The following LRP5 variants were observed in gnomAD, a reference collection of about 807,000 sequenced individuals.
LRP5 encodes low-density lipoprotein receptor-related protein 5.
LRP5 carries 62 observed loss-of-function variants against 154.1 expected under a neutral mutation model. That is an observed-to-expected ratio of 0.40 (90% CI 0.33 to 0.50). The LOEUF (loss-of-function observed/expected upper bound fraction) is 0.50, where lower values mean the gene tolerates loss of function less well. Ranked by LOEUF, LRP5 falls within the 20% of genes least tolerant of loss-of-function variation. LRP5 has a pLI of 0.55. For missense variants in LRP5, 1,915 were observed against 2,336.7 expected (o/e 0.82, Z 3.72); for synonymous variants, 966 against 1,011.5 (o/e 0.96, Z 0.85).
chr11:68,418,226 G>A (rs532602351), intron 13 of LRP5, among the ~76,000 whole-genome samples: 1 of 152,140 alleles, frequency 6.6e-6, no homozygotes, highest in South Asian at 2.1e-4. Flanking sequence ...CCAACATGGT[G>A]AAACCCCATC....
chr11:68,311,113 C>G (rs2098587526), upstream of LRP5, among the ~76,000 whole-genome samples: 1 of 152,118 alleles, frequency 6.6e-6, no homozygotes, highest in African/African-American at 2.4e-5. Flanking sequence ...GAGTCTGGGT[C>G]TCTTCTATCT....
At chr11:68,379,268 A>G (rs2098639060) in intron 5 of LRP5, among the ~76,000 whole-genome samples, 1 of 152,174 alleles carries the variant, frequency 6.6e-6, no homozygotes, top group South Asian at 2.1e-4. Context: ...TTATTCAAAA[A>G]TATTTGAGGA....
intron 1 of LRP5, among the ~76,000 whole-genome samples, chr11:68,313,281 G>T (rs2098590109): frequency 6.6e-6 from 1 of 151,904 alleles, no homozygotes; most frequent in Non-Finnish European, 1.5e-5. Flanking sequence ...AAAGTTCTGA[G>T]CCCGGGCGCG....
At chr11:68,346,184 G>A (rs527396914) in intron 1 of LRP5, among the ~76,000 whole-genome samples, 11 of 152,294 alleles carry the variant, frequency 7.2e-5, no homozygotes, top group Admixed American at 4.6e-4. Flanking sequence ...ATGAAGTCCC[G>A]TTTGTCTTTA....
chr11:68,311,529 G>A (rs1367426444), upstream of LRP5, among the ~76,000 whole-genome samples: 2 of 152,232 alleles, frequency 1.3e-5, no homozygotes, highest in Non-Finnish European at 2.9e-5. Flanking sequence ...TTCATGGCCT[G>A]TCAATGGGGC....
Position 68,409,982 on chromosome 11 carries a change from C to T in LRP5, c.2160C>T (p.Pro720=), listed in dbSNP as rs994507883. The T allele has an allele frequency of 3.1e-6, 5 of 1,614,124 alleles. No individual in the cohort carries two copies. The highest frequency in any genetic ancestry group is 3.4e-6 in the Non-Finnish European group (4 of 1,180,038). Residue 720 remains proline, a synonymous_variant, in exon 10 of 23, where the codon CCC becomes CCT. Coordinates refer to ENST00000294304, the MANE Select transcript of LRP5 (RefSeq NM_002335.4). ...EHVVEFGLDY[P]EGMAVDWMGK... ...TGGTGGAGTTTGGCCTTGACTACCC[C>T]GAGGGCATGGCCGTTGACTGGATGG...
Position 68,413,987 on chromosome 11 carries a change from G to A in LRP5, c.2802G>A (p.Leu934=). The change falls in exon 12 of 23, where the codon CTG becomes CTA. Residue 934 remains leucine (L), a synonymous_variant. Transcript: ENST00000294304. This position sits in a 1 kb window ranked among gnomAD's most constrained non-coding sequence, Gnocchi z 5.1. ...HRCGCASHYT[L]DPSSRNCSPP... ...GCGGCTGCGCCTCACACTACACCCT[G>A]GACCCCAGCAGCCGCAACTGCAGCC... 12 of 1,605,154 alleles carry A rather than the reference G, an allele frequency of 7.5e-6. No individual in the cohort carries two copies. The highest frequency in any genetic ancestry group is 1.0e-5 in the Non-Finnish European group (12 of 1,179,826).
intron 1 of LRP5, among the ~76,000 whole-genome samples, chr11:68,342,637 C>G (rs371105562): frequency 2.6e-5 from 4 of 152,114 alleles, no homozygotes; most frequent in African/African-American, 9.7e-5. Flanking sequence ...CCTTAGAAGC[C>G]GGAGCGGCTC....
intron 2 of LRP5, among the ~76,000 whole-genome samples, chr11:68,356,316 T>C (rs1169560659): frequency 6.6e-6 from 1 of 151,964 alleles, no homozygotes; most frequent in Non-Finnish European, 1.5e-5. Flanking sequence ...CTAACTTTTT[T>C]TTAATTTTTA....
Position 68,432,488 on chromosome 11 carries a change from A to G in LRP5, c.3764-1114A>G, listed in dbSNP as rs200889271. Among the ~76,000 whole-genome samples, 6 of 152,144 alleles carry G rather than the reference A, an allele frequency of 3.9e-5. No homozygotes were observed. In the East Asian group the frequency reaches 9.6e-4, roughly 24 times the overall value. The stretch of plus-strand genomic sequence containing the variant: ...CGTCTTTGATCAGGCCCCCTCCCCT[A>G]TGCCACACAGTCCCTGTCACTCGGG... On this transcript the variant is annotated intron_variant, in intron 17 of 22. Coordinates refer to ENST00000294304, the MANE Select transcript of LRP5 (RefSeq NM_002335.4).
intron 5 of LRP5, among the ~76,000 whole-genome samples, chr11:68,369,061 C>T (rs979609213): frequency 1.3e-5 from 2 of 152,168 alleles, no homozygotes; most frequent in African/African-American, 2.4e-5. Context: ...TGGTCTTGAA[C>T]TCCTAACCTC....
intron 1 of LRP5, among the ~76,000 whole-genome samples, chr11:68,342,686 G>T (rs2098609811): frequency 1.3e-5 from 2 of 152,188 alleles, no homozygotes; most frequent in Non-Finnish European, 2.9e-5. Context: ...CCTTACCCTG[G>T]CTGTGCCCAC....
chr11:68,434,158 C>T (rs1378011857), intron 18 of LRP5, among the ~76,000 whole-genome samples: 1 of 152,136 alleles, frequency 6.6e-6, no homozygotes, highest in Non-Finnish European at 1.5e-5. Context: ...AAAATCCGCC[C>T]CCAAAAGACA....
At chr11:68,341,206 G>T (rs1354495131) in intron 1 of LRP5, among the ~76,000 whole-genome samples, 5 of 151,872 alleles carry the variant, frequency 3.3e-5, no homozygotes, top group African/African-American at 1.2e-4. Flanking sequence ...TGTTCATGAT[G>T]CGGCAGTCAC....
At chr11:68,409,372 T>G (rs1345624420) in intron 9 of LRP5, among the ~76,000 whole-genome samples, 1 of 146,990 alleles carries the variant, frequency 6.8e-6, no homozygotes, top group Non-Finnish European at 1.5e-5. Flanking sequence ...TATACATTTA[T>G]AAATACACAT....
rs143421125 is a variant in LRP5 at position 68,413,199 on chromosome 11, G to T, written c.2504-490G>T. On this transcript the variant is annotated intron_variant, in intron 11 of 22. Transcript: ENST00000294304. The surrounding 1 kb of genome is among the most constrained non-coding windows in gnomAD (Gnocchi z 5.1). ...AATGATTAAGCTCATTAATCACCCCGGAGTGAGGACAGACTCAGATGAAAA... is the reference window on the plus strand; with the variant it reads ...AATGATTAAGCTCATTAATCACCCCTGAGTGAGGACAGACTCAGATGAAAA... The T allele has an allele frequency of 4.0e-6, 1 of 251,060 alleles. No homozygotes were observed. 15.6% of individuals were successfully genotyped at this position (251,060 alleles called of 1,614,324 possible). A position where few individuals can be genotyped will look rare whatever the true frequency, so the allele number is the denominator to read the frequency against.
intron 7 of LRP5, among the ~76,000 whole-genome samples, chr11:68,394,274 C>T: frequency 6.6e-6 from 1 of 152,066 alleles, no homozygotes; most frequent in Non-Finnish European, 1.5e-5. Flanking sequence ...GAAGGAATTC[C>T]AGATTCTCCA....
intron 7 of LRP5, among the ~76,000 whole-genome samples, chr11:68,392,410 A>G (rs976728172): frequency 5.9e-5 from 9 of 152,146 alleles, no homozygotes; most frequent in Non-Finnish European, 1.2e-4. Flanking sequence ...AGGCTGAGGC[A>G]GGAGAATCGC....
intron 1 of LRP5, among the ~76,000 whole-genome samples, chr11:68,321,663 A>G (rs1189505159): frequency 6.6e-6 from 1 of 152,202 alleles, no homozygotes; most frequent in Non-Finnish European, 1.5e-5. Flanking sequence ...GTGTCTGCTC[A>G]GGAAAGAAAT....
Sources: gnomAD v4.1 joint callset for allele counts (sites outside exome capture counted in the v4.1 genomes callset) on GRCh38, gnomAD v4.1.1 for gene constraint, Gnocchi (gnomAD v3.1) non-coding constraint, MANE v1.5 for transcripts, NCBI Gene and HGNC (gene_info 2026-07-23, HGNC 2026-07-21) for gene names.